The following CDH4 variants were observed in gnomAD, a reference collection of about 807,000 sequenced individuals.
CDH4 encodes cadherin-4.
Under a neutral mutation model 86.0 loss-of-function variants are expected in CDH4, and 33 were observed. The ratio of observed to expected loss-of-function variants is 0.38; its 90% CI spans 0.29 to 0.51. The LOEUF is 0.51. CDH4 is among the 20% of genes least tolerant of loss of function. The pLI is 0.86. For missense variants in CDH4, 1,114 were observed against 1,307.4 expected, an observed-to-expected ratio of 0.85 and a Z score of 2.28; for synonymous variants, 555 against 549.4, an observed-to-expected ratio of 1.01 and a Z score of -0.14.
intron 6 of CDH4, among the ~76,000 whole-genome samples, chr20:61,862,976 T>A (rs940573312): frequency 6.6e-5 from 10 of 152,032 alleles, no homozygotes; most frequent in African/African-American, 2.2e-4. Context: ...CCGGCAGAAG[T>A]CCCCCTGAGG....
rs2085700449 is a variant in CDH4, at chr20:61,501,455, G to A, written c.170-242108G>A. ...ACGTACTTGGCCACGGAGAGTCCAG[G>A]TGGGAAGAATTTATTAGGTGAGCGA... On this transcript the variant is annotated intron_variant, in intron 2 of 15. Coordinates refer to ENST00000614565, the MANE Select transcript of CDH4 (RefSeq NM_001794.5). This position sits in a 1 kb window ranked among gnomAD's most constrained non-coding sequence, Gnocchi z 4.2. 6.6e-6 allele frequency among the ~76,000 whole-genome samples: 1 copy of A among 152,156 alleles called. No homozygotes were observed. The highest frequency in any genetic ancestry group is 2.1e-4 in the South Asian group (1 of 4,836).
rs11476350 is a variant in CDH4, at chr20:61,937,218, TAAAAAAAAAAAAAAA to T, written c.*280_*294del. 1 of 103,156 alleles carries T rather than the reference TAAAAAAAAAAAAAAA, an allele frequency of 9.7e-6. No individual in the cohort carries two copies. Among genetic ancestry groups the T allele is most frequent in the Non-Finnish European group, 1.7e-5 (1 of 57,590 alleles). The allele number at this position is 103,156 out of a possible 1,614,324, so 6.4% of individuals were successfully genotyped here. The stretch of plus-strand genomic sequence containing the variant: ...TTTCCTAGAACAGAAGCACTGTTTT[TAAAAAAAAAAAAAAA>T]AAAAGAAGAAAGAAAGAAAAAAAAA... On this transcript the variant is annotated 3_prime_UTR_variant, in exon 16 of 16. Coordinates refer to ENST00000614565, the MANE Select transcript of CDH4 (RefSeq NM_001794.5).
intron 2 of CDH4, among the ~76,000 whole-genome samples, chr20:61,430,084 C>G (rs1170014534): frequency 6.6e-6 from 1 of 152,222 alleles, no homozygotes; most frequent in African/African-American, 2.4e-5. Context: ...GAATTTCCAG[C>G]AAGCTCCCAG....
intron 2 of CDH4, among the ~76,000 whole-genome samples, chr20:61,580,966 T>C (rs1199363420): frequency 2.0e-5 from 3 of 152,160 alleles, no homozygotes; most frequent in Non-Finnish European, 4.4e-5. Context: ...AGAGAGTCCG[T>C]CCTGAAGCAT....
intron 2 of CDH4, among the ~76,000 whole-genome samples, chr20:61,443,138 G>GC (rs1278017436): frequency 6.6e-6 from 1 of 152,224 alleles, no homozygotes; most frequent in Non-Finnish European, 1.5e-5. Context: ...GAGACACCCT[G>GC]CCCCACCTAG....
rs1052551263 is a variant in CDH4, at chr20:61,517,143, T to C, written c.170-226420T>C. Among the ~76,000 whole-genome samples, 1 of 152,234 alleles carries C rather than the reference T, an allele frequency of 6.6e-6. No individual in the cohort carries two copies. Among genetic ancestry groups the C allele is most frequent in the Non-Finnish European group, 1.5e-5 (1 of 68,050 alleles). ...CTTCACCAAAGGGTAACCAGATTCCTGTATTCCAACTTTCTAGATGTTGCC... is the reference window on the plus strand; with the variant it reads ...CTTCACCAAAGGGTAACCAGATTCCCGTATTCCAACTTTCTAGATGTTGCC... On this transcript the variant is annotated intron_variant, in intron 2 of 15. Transcript: ENST00000614565. The surrounding 1 kb of genome is among the most constrained non-coding windows in gnomAD (Gnocchi z 6.6).
chr20:61,304,181 T>C (rs957271359), intron 2 of CDH4, among the ~76,000 whole-genome samples: 2 of 152,122 alleles, frequency 1.3e-5, no homozygotes, highest in African/African-American at 4.8e-5. Context: ...TGAAGACGAA[T>C]CCTGGTTTTA....
At chr20:61,599,423 A>G (rs894414632) in intron 2 of CDH4, among the ~76,000 whole-genome samples, 5 of 152,134 alleles carry the variant, frequency 3.3e-5, no homozygotes, top group Non-Finnish European at 4.4e-5. Context: ...CTCACCCACA[A>G]TGTGAATTCA....
In CDH4 at chr20:61,623,672, C is replaced by A. The variant is rs2086799951; in HGVS notation, c.170-119891C>A. Among the ~76,000 whole-genome samples the A allele has an allele frequency of 6.6e-6, 1 of 152,186 alleles. No homozygotes were observed. The highest frequency in any genetic ancestry group is 2.4e-5 in the African/African-American group (1 of 41,442). ...GGGAGGTTCTGACGTCACCACGCAG[C>A]CCTGGGGACCAGCCATCCCCAGGAG... On this transcript the variant is annotated intron_variant, in intron 2 of 15. Transcript: ENST00000614565. This position sits in a 1 kb window ranked among gnomAD's most constrained non-coding sequence, Gnocchi z 4.4.
intron 2 of CDH4, among the ~76,000 whole-genome samples, chr20:61,371,382 G>A (rs1319668310): frequency 6.6e-6 from 1 of 152,226 alleles, no homozygotes; most frequent in Non-Finnish European, 1.5e-5. Flanking sequence ...TTGGTGTCCA[G>A]TGGACATTGA....
intron 2 of CDH4, among the ~76,000 whole-genome samples, chr20:61,505,339 C>T (rs376916101): frequency 6.6e-6 from 1 of 152,146 alleles, no homozygotes; most frequent in Non-Finnish European, 1.5e-5. Context: ...TGCTTCAGAG[C>T]GTTTCTAGGA....
At chr20:61,512,939 G>T (rs1247216866) in intron 2 of CDH4, among the ~76,000 whole-genome samples, 3 of 152,234 alleles carry the variant, frequency 2.0e-5, no homozygotes, top group African/African-American at 7.2e-5. Flanking sequence ...TACAAATTCA[G>T]TCCATGAAAA....
chr20:61,658,385 G>A (rs2087215181), intron 2 of CDH4, among the ~76,000 whole-genome samples: 3 of 152,092 alleles, frequency 2.0e-5, no homozygotes, highest in Non-Finnish European at 2.9e-5. Flanking sequence ...GGGCTCCATC[G>A]CAGCTGCAAT....
chr20:61,321,056 G>C (rs150225657), intron 2 of CDH4, among the ~76,000 whole-genome samples: 1 of 152,110 alleles, frequency 6.6e-6, no homozygotes. Flanking sequence ...CCCTGACACC[G>C]TGGGTCCTCG....
intron 2 of CDH4, chr20:61,436,391 T>C (rs958742084): frequency 1.3e-5 from 2 of 152,222 alleles, no homozygotes. Flanking sequence ...AAGCCACAAG[T>C]CCCGGGGGAC....
At chr20:61,699,432 C>G (rs1482419685) in intron 2 of CDH4, among the ~76,000 whole-genome samples, 3 of 152,212 alleles carry the variant, frequency 2.0e-5, no homozygotes, top group Non-Finnish European at 4.4e-5. Flanking sequence ...GCCAGCTGCC[C>G]CTCTCCACAG....
chr20:61,325,365 G>C, intron 2 of CDH4, among the ~76,000 whole-genome samples: 1 of 152,194 alleles, frequency 6.6e-6, no homozygotes, highest in East Asian at 1.9e-4. Flanking sequence ...CTGGAGTGAA[G>C]TTGCTATTTT....
intron 2 of CDH4, among the ~76,000 whole-genome samples, chr20:61,474,008 C>T (rs954650967): frequency 6.6e-6 from 1 of 152,036 alleles, no homozygotes; most frequent in Non-Finnish European, 1.5e-5. Context: ...AGGAAAACAC[C>T]GTGGGATTGT....
At chr20:61,472,872 A>T (rs2085513255) in intron 2 of CDH4, among the ~76,000 whole-genome samples, 2 of 152,218 alleles carry the variant, frequency 1.3e-5, no homozygotes, top group African/African-American at 4.8e-5. Context: ...CATTTTGCTA[A>T]AAAAGAGGCT....
Sources: gnomAD v4.1 joint callset for allele counts (sites outside exome capture counted in the v4.1 genomes callset) on GRCh38, gnomAD v4.1.1 for gene constraint, Gnocchi (gnomAD v3.1) non-coding constraint, MANE v1.5 for transcripts, NCBI Gene and HGNC (gene_info 2026-07-23, HGNC 2026-07-21) for gene names.